The following IER5 variants were observed in gnomAD, a reference collection of about 807,000 sequenced individuals.
The protein encoded by IER5 is immediate early response gene 5 protein.
IER5 carries 3 observed loss-of-function variants against 8.2 expected under a neutral mutation model. The observed-to-expected ratio is 0.36, with a 90% CI of 0.17 to 0.94. The LOEUF is 0.94. IER5 is among the 40% of genes least tolerant of loss of function. IER5 has a pLI of 0.43. For synonymous variants in IER5, 286 were observed against 230.1 expected, an observed-to-expected ratio of 1.24 and a Z score of -2.20; for missense variants, 531 against 494.3, an observed-to-expected ratio of 1.07 and a Z score of -0.70.
rs1175825940 is a variant in IER5, at chr1:181,089,116, C to T, written c.214C>T (p.Pro72Ser). 1 of 1,418,668 alleles carries T rather than the reference C, an allele frequency of 7.0e-7. No individual in the cohort carries two copies. The highest frequency in any genetic ancestry group is 3.5e-5 in the Admixed American group (1 of 28,536). The allele number at this position is 1,418,668 out of a possible 1,614,324, so 87.9% of individuals were successfully genotyped here. A position where few individuals can be genotyped will look rare whatever the true frequency, so the allele number is the denominator to read the frequency against. ...CCCGGCGCCGCCACCGCAGCAGCAG[C>T]CCGGGGAGCCGGCGGCCGGGCCACC... Reference protein sequence around the residue: ...GTPAPPPQQQPGEPAAGPPAG... With the variant: ...GTPAPPPQQQSGEPAAGPPAG... Residue 72 changes from proline (P) to serine (S), a missense_variant, in exon 1 of 1, where the codon CCC becomes TCC. Physicochemically the swap from Pro to Ser is moderately conservative, Grantham distance 74. Transcript: ENST00000367577.
rs1659496420 is a variant in IER5, at chr1:181,092,446, TCTTC to T, written c.*2564_*2567del. The stretch of plus-strand genomic sequence containing the variant: ...GGCCCTGGAGCCAGGCTGCTTGGTG[TCTTC>T]CTTTATTTATTTATTTATTTAATTA... On this transcript the variant is annotated 3_prime_UTR_variant, in exon 1 of 1. Coordinates refer to ENST00000367577, the MANE Select transcript of IER5 (RefSeq NM_016545.5). 1 of 151,988 alleles carries T rather than the reference TCTTC, an allele frequency of 6.6e-6. No homozygotes were observed. The highest frequency in any genetic ancestry group is 1.5e-5 in the Non-Finnish European group (1 of 68,024). 9.4% of individuals were successfully genotyped at this position (151,988 alleles called of 1,614,324 possible). A position where few individuals can be genotyped will look rare whatever the true frequency, so the allele number is the denominator to read the frequency against.
In IER5 at chr1:181,089,520, C is replaced by T. The variant is rs1415029758; in HGVS notation, c.618C>T (p.Asp206=). The T allele has an allele frequency of 2.3e-6, 3 of 1,290,380 alleles. No homozygotes were observed. The highest frequency in any genetic ancestry group is 2.6e-5 in the South Asian group (1 of 38,616). 79.9% of individuals were successfully genotyped at this position (1,290,380 alleles called of 1,614,324 possible). The part of the protein sequence containing the change: ...ACCCAPQPAE[D]EPPAPPAVCP... ...GCTGCGCGCCGCAACCAGCGGAGGA[C>T]GAGCCCCCCGCGCCGCCCGCGGTGT... Residue 206 remains aspartate (D), a synonymous_variant, in exon 1 of 1, where the codon GAC becomes GAT. Coordinates refer to ENST00000367577, the MANE Select transcript of IER5 (RefSeq NM_016545.5).
chr1:181,089,944 C>G lies in IER5; in HGVS notation c.*58C>G. On this transcript the variant is annotated 3_prime_UTR_variant, in exon 1 of 1. Coordinates refer to ENST00000367577, the MANE Select transcript of IER5 (RefSeq NM_016545.5). ...CAGCGGGCGTCCCCGAAGTGAGGGC[C>G]AGGCCCTTCCCGGCTGCGAGGACGC... The G allele has an allele frequency of 6.4e-7, 1 of 1,574,588 alleles. No homozygotes were observed. The highest frequency in any genetic ancestry group is 1.2e-5 in the South Asian group (1 of 86,694).
Position 181,089,691 on chromosome 1 carries a change from C to G in IER5, c.789C>G (p.Thr263=), listed in dbSNP as rs1199645241. The G allele has an allele frequency of 6.2e-7, 1 of 1,613,372 alleles. No individual in the cohort carries two copies. The highest frequency in any genetic ancestry group is 8.5e-7 in the Non-Finnish European group (1 of 1,179,984). The change falls in exon 1 of 1, where the codon ACC becomes ACG. Residue 263 remains threonine, a synonymous_variant. Coordinates refer to ENST00000367577, the MANE Select transcript of IER5 (RefSeq NM_016545.5). ...GEDDDAEEME[T]GNVANLISIF... is the part of the protein sequence containing the mutation. ...ACGACGACGCGGAGGAGATGGAGAC[C>G]GGGAACGTGGCTAACCTCATCAGCA...
Position 181,090,636 on chromosome 1 carries a change from A to G in IER5, c.*750A>G, listed in dbSNP as rs1659455928. On this transcript the variant is annotated 3_prime_UTR_variant, in exon 1 of 1. Coordinates refer to ENST00000367577, the MANE Select transcript of IER5 (RefSeq NM_016545.5). ...AGAAGTACTACACAGTGCTTTTAAA[A>G]AGTGTTTAATGAGAGTTTACAGACA... is the stretch of plus-strand genomic sequence containing the variant. The G allele has an allele frequency of 6.0e-6, 1 of 167,108 alleles. No homozygotes were observed. Among genetic ancestry groups the G allele is most frequent in the Non-Finnish European group, 1.5e-5 (1 of 68,124 alleles). 10.4% of individuals were successfully genotyped at this position (167,108 alleles called of 1,614,324 possible).
chr1:181,089,383 G>A lies in IER5; in HGVS notation c.481G>A (p.Gly161Ser). 6.7e-7 allele frequency: 1 copy of A among 1,485,098 alleles called. No homozygotes were observed. Among genetic ancestry groups the A allele is most frequent in the Non-Finnish European group, 9.0e-7 (1 of 1,115,878 alleles). The allele number at this position is 1,485,098 out of a possible 1,614,324, so 92.0% of individuals were successfully genotyped here. A position where few individuals can be genotyped will look rare whatever the true frequency, so the allele number is the denominator to read the frequency against. ...AAREAEGTAG[G>S]WGVFPEVSRA... ...CAGAGAAGCCGAGGGTACCGCCGGAGGCTGGGGCGTCTTCCCCGAGGTATC... is the reference window on the plus strand; with the variant it reads ...CAGAGAAGCCGAGGGTACCGCCGGAAGCTGGGGCGTCTTCCCCGAGGTATC... The change falls in exon 1 of 1, where the codon GGC becomes AGC. Residue 161 changes from glycine (G) to serine (S), a missense_variant. Coordinates refer to ENST00000367577, the MANE Select transcript of IER5 (RefSeq NM_016545.5).
At position 181,091,741 on chromosome 1, in the gene IER5, T is replaced by C. The variant is rs889746456; in HGVS notation, c.*1855T>C. On this transcript the variant is annotated 3_prime_UTR_variant, in exon 1 of 1. Coordinates refer to ENST00000367577, the MANE Select transcript of IER5 (RefSeq NM_016545.5). ...CCAGGACTTTAAAAGATGGTACTGG[T>C]TTCTAACAACTTACGAGTATATAGG... is the stretch of plus-strand genomic sequence containing the variant. 2 of 152,238 alleles carry C rather than the reference T, an allele frequency of 1.3e-5. No homozygotes were observed. The highest frequency in any genetic ancestry group is 4.8e-5 in the African/African-American group (2 of 41,456). 9.4% of individuals were successfully genotyped at this position (152,238 alleles called of 1,614,324 possible). A position where few individuals can be genotyped will look rare whatever the true frequency, so the allele number is the denominator to read the frequency against.
Position 181,092,353 on chromosome 1 carries a change from T to C in IER5, c.*2467T>C, listed in dbSNP as rs1659495100. 6.6e-6 allele frequency: 1 copy of C among 151,662 alleles called. No homozygotes were observed. Among genetic ancestry groups the C allele is most frequent in the African/African-American group, 2.4e-5 (1 of 41,322 alleles). The allele number at this position is 151,662 out of a possible 1,614,324, so 9.4% of individuals were successfully genotyped here. A position where few individuals can be genotyped will look rare whatever the true frequency, so the allele number is the denominator to read the frequency against. ...CATACTTGATAGGAGGATAAAGCTTTGTAGGAATTAGAAAAGATCATTCTC... is the reference window on the plus strand; with the variant it reads ...CATACTTGATAGGAGGATAAAGCTTCGTAGGAATTAGAAAAGATCATTCTC... On this transcript the variant is annotated 3_prime_UTR_variant, in exon 1 of 1. Transcript: ENST00000367577.
rs983015078 is a variant in IER5 at position 181,090,184 on chromosome 1, C to T, written c.*298C>T. 2.3e-6 allele frequency: 1 copy of T among 431,204 alleles called. No homozygotes were observed. The highest frequency in any genetic ancestry group is 4.3e-6 in the Non-Finnish European group (1 of 233,514). The allele number at this position is 431,204 out of a possible 1,614,324, so 26.7% of individuals were successfully genotyped here. A position where few individuals can be genotyped will look rare whatever the true frequency, so the allele number is the denominator to read the frequency against. ...GCTCTTCTGGAATGCACCACTCCTT[C>T]CCCAGGGTTTAAGAGATTGGGGGCA... On this transcript the variant is annotated 3_prime_UTR_variant, in exon 1 of 1. Transcript: ENST00000367577.
In IER5 at chr1:181,089,615, C is replaced by G. The variant is rs1219320890; in HGVS notation, c.713C>G (p.Pro238Arg). 5 of 1,610,822 alleles carry G rather than the reference C, an allele frequency of 3.1e-6. No individual in the cohort carries two copies. Among genetic ancestry groups the G allele is most frequent in the South Asian group, 1.1e-5 (1 of 90,916 alleles). ...GGCTGCCCGGCGCCCGGCTCGACCC[C>G]GCTCAAGAAGCCCCGCCGGAACTTA... is the stretch of plus-strand genomic sequence containing the variant. ...PAGCPAPGST[P>R]LKKPRRNLEQ... The change falls in exon 1 of 1, where the codon CCG becomes CGG. Residue 238 changes from proline to arginine, a missense_variant. By Grantham distance (103) the Pro-to-Arg change is moderately radical. Coordinates refer to ENST00000367577, the MANE Select transcript of IER5 (RefSeq NM_016545.5).
chr1:181,089,510 C>T lies in IER5; in HGVS notation c.608C>T (p.Pro203Leu), dbSNP rs1464912759. The T allele has an allele frequency of 3.1e-6, 4 of 1,300,548 alleles. No individual in the cohort carries two copies. Among genetic ancestry groups the T allele is most frequent in the Non-Finnish European group, 3.9e-6 (4 of 1,022,110 alleles). 80.6% of individuals were successfully genotyped at this position (1,300,548 alleles called of 1,614,324 possible). A position where few individuals can be genotyped will look rare whatever the true frequency, so the allele number is the denominator to read the frequency against. ...PRAACCCAPQ[P>L]AEDEPPAPPA... ...GCTGCCTGCTGCTGCGCGCCGCAAC[C>T]AGCGGAGGACGAGCCCCCCGCGCCG... The change falls in exon 1 of 1, where the codon CCA becomes CTA. Residue 203 changes from proline to leucine, a missense_variant. Transcript: ENST00000367577.
rs893819128 is a variant in IER5, at chr1:181,089,423, G to C, written c.521G>C (p.Arg174Pro). The change falls in exon 1 of 1, where the codon CGC becomes CCC. Residue 174 changes from arginine to proline, a missense_variant. Arg to Pro is a moderately radical substitution (Grantham distance 103). Coordinates refer to ENST00000367577, the MANE Select transcript of IER5 (RefSeq NM_016545.5). ...CCCGAGGTATCTCGTGCCGCGCGCCGCCCCTGCGGCTGCCCCCTAGGCGGG... is the reference window on the plus strand; with the variant it reads ...CCCGAGGTATCTCGTGCCGCGCGCCCCCCCTGCGGCTGCCCCCTAGGCGGG... ...VFPEVSRAARRPCGCPLGGED... is the reference protein window; with the variant it reads ...VFPEVSRAARPPCGCPLGGED... 2.1e-6 allele frequency: 3 copies of C among 1,402,874 alleles called. No individual in the cohort carries two copies. The highest frequency in any genetic ancestry group is 2.8e-6 in the Non-Finnish European group (3 of 1,076,980). The allele number at this position is 1,402,874 out of a possible 1,614,324, so 86.9% of individuals were successfully genotyped here.
At position 181,089,144 on chromosome 1, in the gene IER5, C is replaced by T. The variant is rs1659401367; in HGVS notation, c.242C>T (p.Ala81Val). The change falls in exon 1 of 1, where the codon GCC becomes GTC. Residue 81 changes from alanine (A) to valine (V), a missense_variant. Coordinates refer to ENST00000367577, the MANE Select transcript of IER5 (RefSeq NM_016545.5). Reference protein sequence around the residue: ...QPGEPAAGPPAGWGEPPPPAA... With the variant: ...QPGEPAAGPPVGWGEPPPPAA... Reference sequence around the variant, plus strand: ...GGGGAGCCGGCGGCCGGGCCACCCGCCGGCTGGGGAGAGCCGCCCCCGCCC... The same window carrying T: ...GGGGAGCCGGCGGCCGGGCCACCCGTCGGCTGGGGAGAGCCGCCCCCGCCC... The T allele has an allele frequency of 7.1e-7, 1 of 1,403,256 alleles. No homozygotes were observed. The highest frequency in any genetic ancestry group is 1.5e-5 in the African/African-American group (1 of 66,198). The allele number at this position is 1,403,256 out of a possible 1,614,324, so 86.9% of individuals were successfully genotyped here. A position where few individuals can be genotyped will look rare whatever the true frequency, so the allele number is the denominator to read the frequency against.
chr1:181,089,460 G>C lies in IER5; in HGVS notation c.558G>C (p.Pro186=). The C allele has an allele frequency of 1.5e-6, 2 of 1,359,608 alleles. No homozygotes were observed. Among genetic ancestry groups the C allele is most frequent in the South Asian group, 3.5e-5 (2 of 57,520 alleles). The allele number at this position is 1,359,608 out of a possible 1,614,324, so 84.2% of individuals were successfully genotyped here. ...CGCPLGGEDP[P]GTPAATPRAA... ...GCCCCCTAGGCGGGGAGGACCCGCC[G>C]GGTACACCGGCCGCGACCCCCCGCG... Residue 186 remains proline, a synonymous_variant, in exon 1 of 1, where the codon CCG becomes CCC. Transcript: ENST00000367577.
In IER5 at chr1:181,088,759, C is replaced by G; in HGVS notation, c.-144C>G. ...TTGTTTGGAGAGGTTAGTAGAGCAG[C>G]GCGCGCGTCACCAGAGTCGTTTCTC... is the stretch of plus-strand genomic sequence containing the variant. On this transcript the variant is annotated 5_prime_UTR_variant, in exon 1 of 1. Coordinates refer to ENST00000367577, the MANE Select transcript of IER5 (RefSeq NM_016545.5). 1 of 658,618 alleles carries G rather than the reference C, an allele frequency of 1.5e-6. No individual in the cohort carries two copies. Among genetic ancestry groups the G allele is most frequent in the Non-Finnish European group, 2.5e-6 (1 of 402,890 alleles). 40.8% of individuals were successfully genotyped at this position (658,618 alleles called of 1,614,324 possible). A position where few individuals can be genotyped will look rare whatever the true frequency, so the allele number is the denominator to read the frequency against.
In IER5 at chr1:181,090,906, G is replaced by GC. The variant is rs1410024152; in HGVS notation, c.*1022dup. 6.6e-6 allele frequency: 1 copy of GC among 152,300 alleles called. No homozygotes were observed. The highest frequency in any genetic ancestry group is 2.4e-5 in the African/African-American group (1 of 41,428). 9.4% of individuals were successfully genotyped at this position (152,300 alleles called of 1,614,324 possible). Reference sequence around the variant, plus strand: ...GGGAAGTGGGAGGAGGGAAACCAGGGCCTGAGCTAGAAAATTGAAGGTGTG... The same window carrying GC: ...GGGAAGTGGGAGGAGGGAAACCAGGGCCCTGAGCTAGAAAATTGAAGGTGTG... On this transcript the variant is annotated 3_prime_UTR_variant, in exon 1 of 1. Transcript: ENST00000367577.
rs148618379 is a variant in IER5, at chr1:181,089,266, G to C, written c.364G>C (p.Val122Leu). The C allele has an allele frequency of 6.4e-7, 1 of 1,558,914 alleles. No individual in the cohort carries two copies. Among genetic ancestry groups the C allele is most frequent in the Admixed American group, 1.9e-5 (1 of 53,820 alleles). ...AGGGGACGAGGTGCCGGTGGCCACG[G>C]TGACTGGAGTCGGGGACGTTTTTCA... The part of the protein sequence containing the change: ...RVGDEVPVAT[V>L]TGVGDVFQGG... The change falls in exon 1 of 1, where the codon GTG becomes CTG. Residue 122 changes from valine to leucine, a missense_variant. Coordinates refer to ENST00000367577, the MANE Select transcript of IER5 (RefSeq NM_016545.5).
Position 181,090,028 on chromosome 1 carries a change from C to T in IER5, c.*142C>T. 6 of 1,068,600 alleles carry T rather than the reference C, an allele frequency of 5.6e-6. No individual in the cohort carries two copies. Among genetic ancestry groups the T allele is most frequent in the Non-Finnish European group, 8.1e-6 (6 of 737,974 alleles). 66.2% of individuals were successfully genotyped at this position (1,068,600 alleles called of 1,614,324 possible). On this transcript the variant is annotated 3_prime_UTR_variant, in exon 1 of 1. Transcript: ENST00000367577. ...ACTGGTTGCCTCTGGGCATCGCAAA[C>T]TGCCCCCGGGCGCATCTGGCTTATC...
Position 181,090,423 on chromosome 1 carries a change from G to GTCCCTCCCCACCTTTCTC in IER5, c.*542_*559dup, listed in dbSNP as rs1233051378. ...AAGAGCACAGACTTGGATTCCTTCT[G>GTCCCTCCCCACCTTTCTC]TCCCTCCCCACCTTTCTCTCCCAAT... On this transcript the variant is annotated 3_prime_UTR_variant, in exon 1 of 1. Coordinates refer to ENST00000367577, the MANE Select transcript of IER5 (RefSeq NM_016545.5). 23 of 170,858 alleles carry GTCCCTCCCCACCTTTCTC rather than the reference G, an allele frequency of 1.3e-4. No homozygotes were observed. The highest frequency in any genetic ancestry group is 5.5e-4 in the African/African-American group (23 of 41,460). The allele number at this position is 170,858 out of a possible 1,614,324, so 10.6% of individuals were successfully genotyped here. A position where few individuals can be genotyped will look rare whatever the true frequency, so the allele number is the denominator to read the frequency against.
Sources: gnomAD v4.1 joint callset for allele counts on GRCh38, gnomAD v4.1.1 for gene constraint, MANE v1.5 for transcripts, NCBI Gene and HGNC (gene_info 2026-07-23, HGNC 2026-07-21) for gene names.